Variants in UBE2D3 observed in about 807,000 individuals in gnomAD.
UBE2D3 encodes the protein ubiquitin conjugating enzyme E2 D3, also known as ubiquitin-conjugating enzyme E2 D3.
In UBE2D3, 2 loss-of-function variants were observed where a neutral mutation model predicts 22.8. The observed-to-expected ratio is 0.09, with a 90% CI of 0.04 to 0.28. The LOEUF (loss-of-function observed/expected upper bound fraction) is 0.28, where lower values mean the gene tolerates loss of function less well. Among genes scored for constraint, UBE2D3 ranks in the 10% least tolerant of loss-of-function variants. The pLI is 1.00. For missense variants in UBE2D3, 27 were observed against 182.5 expected, an observed-to-expected ratio of 0.15 and a Z score of 4.91; for synonymous variants, 56 against 60.4, an observed-to-expected ratio of 0.93 and a Z score of 0.34.
At chr4:102,854,014 T>C (rs1203031127) in intron 1 of UBE2D3, among the ~76,000 whole-genome samples, 2 of 152,174 alleles carry the variant, frequency 1.3e-5, no homozygotes, top group African/African-American at 4.8e-5. Context: ...CTAACTGGCA[T>C]CTTATTATTT....
rs1181863995 is a variant in UBE2D3 at position 102,826,634 on chromosome 4, C to A, written c.-126G>T. The A allele has an allele frequency of 3.2e-6, 5 of 1,572,664 alleles. No individual in the cohort carries two copies. The highest frequency in any genetic ancestry group is 3.8e-5 in the Admixed American group (2 of 52,452). Reference sequence around the variant, plus strand: ...TCACACCAGCTCTGCCAGACACAGGCGCCTTTTGCAAAAACGGAGCAGATC... The same window carrying A: ...TCACACCAGCTCTGCCAGACACAGGAGCCTTTTGCAAAAACGGAGCAGATC... On this transcript the variant is annotated splice_region_variant and 5_prime_UTR_variant, in exon 2 of 8. Coordinates refer to ENST00000453744, the MANE Select transcript of UBE2D3 (RefSeq NM_181891.3).
intron 1 of UBE2D3, among the ~76,000 whole-genome samples, chr4:102,860,427 G>T (rs945657520): frequency 6.6e-6 from 1 of 151,494 alleles, no homozygotes; most frequent in African/African-American, 2.4e-5. Context: ...GTGTGTATGT[G>T]TGTGTGTGTG....
chr4:102,825,933 CAG>C, intron 2 of UBE2D3: 1 of 364,542 alleles, frequency 2.7e-6, no homozygotes, highest in Non-Finnish European at 5.4e-6. Flanking sequence ...GTAACCTGCC[CAG>C]AGTCGACTAA....
At chr4:102,822,662 G>A (rs193280409) in intron 2 of UBE2D3, among the ~76,000 whole-genome samples, 3 of 148,582 alleles carry the variant, frequency 2.0e-5, no homozygotes, top group African/African-American at 2.5e-5. Flanking sequence ...GCCAGGCCAC[G>A]TGGTGGCTCA....
chr4:102,797,591 A>G, intron 7 of UBE2D3, 131 bp from the exon 8 acceptor site: 1 of 583,338 alleles, frequency 1.7e-6, no homozygotes, highest in South Asian at 3.7e-5. Context: ...TGATTAGAAT[A>G]AAAGCCAACA....
chr4:102,804,252 C>T (rs1023489598), intron 4 of UBE2D3, among the ~76,000 whole-genome samples: 13 of 152,200 alleles, frequency 8.5e-5, no homozygotes, highest in African/African-American at 2.4e-4. Flanking sequence ...AGCGCCGCCT[C>T]CCCAGGTTCA....
intron 1 of UBE2D3, 152 bp downstream of exon 1, chr4:102,827,275 G>A (rs943925712): frequency 1.0e-6 from 1 of 953,728 alleles, no homozygotes; most frequent in Non-Finnish European, 1.2e-6. Context: ...TCCAGCAGGA[G>A]AGGCCGCGGC....
chr4:102,862,321 GATTT>G (rs1732935491), intron 1 of UBE2D3, among the ~76,000 whole-genome samples: 1 of 151,856 alleles, frequency 6.6e-6, no homozygotes, highest in South Asian at 2.1e-4. Flanking sequence ...TGAATAGACA[GATTT>G]AATAATAATT....
intron 5 of UBE2D3, 76 bp from the exon 6 acceptor site, chr4:102,801,635 C>G: frequency 8.3e-7 from 1 of 1,204,464 alleles, no homozygotes; most frequent in Non-Finnish European, 1.2e-6. Flanking sequence ...AATAATCAAG[C>G]CACAATGTTA....
chr4:102,822,194 T>C (rs572603466), intron 2 of UBE2D3, among the ~76,000 whole-genome samples: 26 of 152,212 alleles, frequency 1.7e-4, no homozygotes, highest in Non-Finnish European at 3.5e-4. Context: ...CAGATGAGCA[T>C]GATGAAAGAA....
At chr4:102,810,147 G>A (rs1044991167) in intron 2 of UBE2D3, 13 of 294,996 alleles carry the variant, frequency 4.4e-5, no homozygotes, top group Non-Finnish European at 7.0e-5. Flanking sequence ...TATTCTCATA[G>A]TTTAAGAGCT....
intron 1 of UBE2D3, among the ~76,000 whole-genome samples, chr4:102,850,572 A>G (rs1161335354): frequency 6.6e-6 from 1 of 152,170 alleles, no homozygotes; most frequent in African/African-American, 2.4e-5. Flanking sequence ...TAGGCTAAGG[A>G]ACTTGGACTT....
At chr4:102,861,970 T>G (rs1043620974) in intron 1 of UBE2D3, among the ~76,000 whole-genome samples, 1 of 151,950 alleles carries the variant, frequency 6.6e-6, no homozygotes, top group Admixed American at 6.6e-5. Flanking sequence ...CAGGCTGGGG[T>G]GCAGAGGCAT....
In UBE2D3 at chr4:102,827,487, G is replaced by A. The variant is rs72931876; in HGVS notation, c.-189C>T. The stretch of plus-strand genomic sequence containing the variant: ...GCCTCCTCCCCGCGCGGCAGCTGGT[G>A]CCTCCCCGGCCCTACGGGGCTCACG... On this transcript the variant is annotated 5_prime_UTR_variant, in exon 1 of 8. Coordinates refer to ENST00000453744, the MANE Select transcript of UBE2D3 (RefSeq NM_181891.3). 973 of 986,160 alleles carry A rather than the reference G, an allele frequency of 9.9e-4. 7 individuals are homozygous for A. The African/African-American group carries it at 0.016, about 16-fold the overall frequency. The allele number at this position is 986,160 out of a possible 1,614,324, so 61.1% of individuals were successfully genotyped here.
chr4:102,835,360 T>C (rs974035984), intron 1 of UBE2D3, among the ~76,000 whole-genome samples: 2 of 152,254 alleles, frequency 1.3e-5, no homozygotes, highest in African/African-American at 4.8e-5. Context: ...GCAAATATTA[T>C]GGCATTTTAT....
chr4:102,803,527 C>A (rs1726534424), intron 4 of UBE2D3, among the ~76,000 whole-genome samples: 1 of 152,318 alleles, frequency 6.6e-6, no homozygotes, highest in Non-Finnish European at 1.5e-5. Context: ...TCCTACCCTT[C>A]TGTAAAATAA....
intron 4 of UBE2D3, among the ~76,000 whole-genome samples, chr4:102,805,932 A>C (rs1401587951): frequency 6.6e-6 from 1 of 152,172 alleles, no homozygotes; most frequent in Non-Finnish European, 1.5e-5. Context: ...CTTATCTCAG[A>C]ATCAAGATAG....
At chr4:102,822,014 T>C (rs961407583) in intron 2 of UBE2D3, among the ~76,000 whole-genome samples, 2 of 152,256 alleles carry the variant, frequency 1.3e-5, no homozygotes, top group Non-Finnish European at 2.9e-5. Flanking sequence ...AGATAGATTA[T>C]AGCAACATGC....
chr4:102,807,472 C>G (rs1268551589), intron 4 of UBE2D3, among the ~76,000 whole-genome samples: 1 of 152,156 alleles, frequency 6.6e-6, no homozygotes, highest in Non-Finnish European at 1.5e-5. Flanking sequence ...ACCCAACCAA[C>G]AGTGAGAACT....
Sources: gnomAD v4.1 joint callset for allele counts (sites outside exome capture counted in the v4.1 genomes callset) on GRCh38, gnomAD v4.1.1 for gene constraint, MANE v1.5 for transcripts, NCBI Gene and HGNC (gene_info 2026-07-23, HGNC 2026-07-21) for gene names.